Variants in ARHGAP29 observed in about 807,000 individuals in gnomAD.
The protein encoded by ARHGAP29 is rho GTPase-activating protein 29.
ARHGAP29 carries 43 observed loss-of-function variants against 122.6 expected under a neutral mutation model. That is an observed-to-expected ratio of 0.35 (90% CI 0.27 to 0.45). The LOEUF (loss-of-function observed/expected upper bound fraction) is 0.45, where lower values mean the gene tolerates loss of function less well. ARHGAP29 is among the 20% of genes least tolerant of loss of function. The pLI is 1.00. For synonymous variants in ARHGAP29, 506 were observed against 497.1 expected (o/e 1.02, Z -0.24); for missense variants, 1,303 against 1,477.2 (o/e 0.88, Z 1.93).
the ARHGAP29 span, among the ~76,000 whole-genome samples, chr1:94,296,494 A>G: frequency 6.6e-6 from 1 of 152,240 alleles, no homozygotes; most frequent in Admixed American, 6.5e-5. Flanking sequence ...AACATAGTAT[A>G]TATAGGGTTT....
intron 3 of ARHGAP29, among the ~76,000 whole-genome samples, chr1:94,213,211 G>A (rs574894005): frequency 6.6e-5 from 10 of 152,062 alleles, no homozygotes; most frequent in Non-Finnish European, 1.3e-4. Flanking sequence ...ACAGAGTCTC[G>A]CTCTGTCGCC....
chr1:94,174,743 G>C lies in ARHGAP29; in HGVS notation c.2912C>G (p.Ala971Gly), dbSNP rs1262074770. Residue 971 changes from alanine to glycine, a missense_variant, in exon 23 of 23, where the codon GCA becomes GGA. Physicochemically the swap from Ala to Gly is moderately conservative, Grantham distance 60. Coordinates refer to ENST00000260526, the MANE Select transcript of ARHGAP29 (RefSeq NM_004815.4). ...GKCDACLSDK[A>G]QLLLDQEAES... is the part of the protein sequence containing the mutation. ...AGCCTCTTGGTCTAGAAGCAACTGT[G>C]CTTTGTCTGAAAATGAAAGAAATCT... is the stretch of plus-strand genomic sequence containing the variant. 1.2e-6 allele frequency: 2 copies of C among 1,610,638 alleles called. No individual in the cohort carries two copies. The highest frequency in any genetic ancestry group is 2.2e-5 in the South Asian group (2 of 90,734).
chr1:94,191,231 C>G (rs1170139323), intron 12 of ARHGAP29: 1 of 152,162 alleles, frequency 6.6e-6, no homozygotes, highest in Non-Finnish European at 1.5e-5. Flanking sequence ...AAAGCTGTAA[C>G]ATGATCTGAT....
At chr1:94,249,816 T>C (rs1345056795) in intron 1 of ARHGAP29, among the ~76,000 whole-genome samples, 1 of 152,138 alleles carries the variant, frequency 6.6e-6, no homozygotes, top group Non-Finnish European at 1.5e-5. Flanking sequence ...AGGATACTAT[T>C]CTTGTGGCAC....
At chr1:94,268,154 T>C (rs1269260176) in intron 1 of ARHGAP29, among the ~76,000 whole-genome samples, 14 of 152,218 alleles carry the variant, frequency 9.2e-5, no homozygotes, top group Admixed American at 9.2e-4. Context: ...ATTTTGAATA[T>C]AGCCCTTGAA....
chr1:94,312,745 G>A, the ARHGAP29 span, among the ~76,000 whole-genome samples: 3 of 152,004 alleles, frequency 2.0e-5, no homozygotes, highest in African/African-American at 4.8e-5. Flanking sequence ...GCCTGGCCCC[G>A]TCTTCTTCTT....
At chr1:94,209,469 T>G in intron 3 of ARHGAP29, 119 bp from the exon 4 acceptor site, 1 of 563,492 alleles carries the variant, frequency 1.8e-6, no homozygotes, top group East Asian at 3.4e-5. Flanking sequence ...ATTCAGAAAT[T>G]GAAAAGCCTA....
At chr1:94,227,241 G>C (rs1057134011) in intron 2 of ARHGAP29, among the ~76,000 whole-genome samples, 1 of 151,714 alleles carries the variant, frequency 6.6e-6, no homozygotes, top group Non-Finnish European at 1.5e-5. Context: ...CAATTCATCA[G>C]AAGCTATCAC....
chr1:94,295,655 A>G, the ARHGAP29 span, among the ~76,000 whole-genome samples: 1 of 151,028 alleles, frequency 6.6e-6, no homozygotes, highest in African/African-American at 2.4e-5. Flanking sequence ...TTGGAGAAGG[A>G]GAATGTATCA....
chr1:94,202,991 A>C lies in ARHGAP29; in HGVS notation c.881T>G (p.Leu294Arg). The C allele has an allele frequency of 6.2e-7, 1 of 1,608,336 alleles. No individual in the cohort carries two copies. The highest frequency in any genetic ancestry group is 8.5e-7 in the Non-Finnish European group (1 of 1,178,722). ...LQANKFVQPL[L>R]GRKNEMEKQR... ...TTTTTCCATTTCATTTTTCCTTCCA[A>C]GTAGAGGCTGTGAAAGGTATTTAAA... Residue 294 changes from leucine (L) to arginine (R), a missense_variant, in exon 10 of 23, where the codon CTT (leucine) becomes CGT (arginine). Coordinates refer to ENST00000260526, the MANE Select transcript of ARHGAP29 (RefSeq NM_004815.4).
chr1:94,174,520 G>C lies in ARHGAP29; in HGVS notation c.3135C>G (p.Asp1045Glu). ...NGRNMGNVNL[D>E]KFCKNPAFEG... ...CAAAGGCAGGATTCTTGCAAAACTT[G>C]TCTAAATTTACATTTCCCATATTTC... The change falls in exon 23 of 23, where the codon GAC (aspartate) becomes GAG (glutamate). Residue 1045 changes from aspartate (D) to glutamate (E), a missense_variant. Asp to Glu is a conservative substitution (Grantham distance 45). Around this residue, in one of 3 missense-constraint regions of ARHGAP29, gnomAD observed 620 missense variants for 651.2 expected, o/e 0.95. Transcript: ENST00000260526. 1.2e-6 allele frequency: 2 copies of C among 1,614,140 alleles called. No individual in the cohort carries two copies. The highest frequency in any genetic ancestry group is 1.7e-6 in the Non-Finnish European group (2 of 1,180,014).
chr1:94,259,983 A>G (rs1654496376), intron 1 of ARHGAP29, among the ~76,000 whole-genome samples: 1 of 152,192 alleles, frequency 6.6e-6, no homozygotes, highest in South Asian at 2.1e-4. Context: ...GCATAATGCA[A>G]AAGTCTCTAC....
At chr1:94,248,619 T>G (rs75158674) in intron 1 of ARHGAP29, among the ~76,000 whole-genome samples, 5,277 of 152,352 alleles carry the variant, frequency 0.035, 328 homozygotes, top group African/African-American at 0.12. Context: ...TTCAAAAAGA[T>G]TAAATATCTG....
the ARHGAP29 span, among the ~76,000 whole-genome samples, chr1:94,303,650 A>G: frequency 6.6e-6 from 1 of 152,254 alleles, no homozygotes; most frequent in South Asian, 2.1e-4. Context: ...TATTTAGTGC[A>G]GTGTGAGTGA....
In ARHGAP29 at chr1:94,217,922, T is replaced by C. The variant is rs533331127; in HGVS notation, c.340+2336A>G. Among the ~76,000 whole-genome samples the C allele has an allele frequency of 1.6e-4, 24 of 152,318 alleles. 1 individual carries two copies. In the South Asian group the frequency reaches 5.0e-3, roughly 32 times the overall value. On this transcript the variant is annotated intron_variant, in intron 3 of 22. Coordinates refer to ENST00000260526, the MANE Select transcript of ARHGAP29 (RefSeq NM_004815.4). ...GATCTCCATACTCCAGACAGCTTTC[T>C]GTCCCAGAAACTTTTCCTTTCTGAA...
At chr1:94,201,499 T>C (rs1350029766) in intron 12 of ARHGAP29, among the ~76,000 whole-genome samples, 50 of 134,186 alleles carry the variant, frequency 3.7e-4, no homozygotes, top group African/African-American at 1.4e-3. Context: ...CTTCTTTCCT[T>C]CCTTCCTTCT....
chr1:94,279,882 C>G (rs1409791167), upstream of ARHGAP29, among the ~76,000 whole-genome samples: 1 of 152,106 alleles, frequency 6.6e-6, no homozygotes, highest in Non-Finnish European at 1.5e-5. Context: ...AAAGGTTTCC[C>G]TAATCTGGTT....
At chr1:94,206,400 A>G (rs550614928) in intron 5 of ARHGAP29, among the ~76,000 whole-genome samples, 1 of 152,328 alleles carries the variant, frequency 6.6e-6, no homozygotes, top group African/African-American at 2.4e-5. Context: ...CAGGGATTCA[A>G]TGCAAAACTG....
the ARHGAP29 span, among the ~76,000 whole-genome samples, chr1:94,297,651 C>T: frequency 2.1e-3 from 317 of 152,172 alleles, no homozygotes; most frequent in Non-Finnish European, 3.3e-3. Flanking sequence ...GAGTTACGCT[C>T]GTCAGTCACC....
Sources: gnomAD v4.1 joint callset for allele counts (sites outside exome capture counted in the v4.1 genomes callset) on GRCh38, gnomAD v4.1.1 for gene constraint, gnomAD v4.1.1 regional missense constraint, MANE v1.5 for transcripts, NCBI Gene and HGNC (gene_info 2026-07-23, HGNC 2026-07-21) for gene names.